PRDM5: variants seen among roughly 807,000 people sequenced by gnomAD.
PRDM5 encodes the protein PR domain zinc finger protein 5.
A neutral mutation model predicts 81.2 loss-of-function variants in PRDM5; 56 were observed. The observed-to-expected ratio is 0.69, with a 90% CI of 0.56 to 0.86. The LOEUF (loss-of-function observed/expected upper bound fraction) is 0.86. PRDM5 is among the 40% of genes least tolerant of loss of function. The pLI is 0.00. For synonymous variants in PRDM5, 267 were observed against 256.4 expected (o/e 1.04, Z -0.39); for missense variants, 697 against 770.1 (o/e 0.91, Z 1.12).
intron 12 of PRDM5, among the ~76,000 whole-genome samples, chr4:120,780,273 T>C (rs1241041274): frequency 1.3e-5 from 2 of 151,874 alleles, no homozygotes; most frequent in African/African-American, 4.8e-5. Flanking sequence ...AGCAAGACCC[T>C]ATCTCTACAA....
chr4:120,684,701 TAATATTTC>T (rs1194487762), downstream of PRDM5, among the ~76,000 whole-genome samples: 6 of 152,050 alleles, frequency 3.9e-5, no homozygotes, highest in African/African-American at 1.4e-4. Context: ...TTTAATTTTA[TAATATTTC>T]ACTACTGTTC....
At chr4:120,915,664 A>G (rs192044024) in intron 1 of PRDM5, among the ~76,000 whole-genome samples, 7 of 152,308 alleles carry the variant, frequency 4.6e-5, no homozygotes, top group Admixed American at 1.3e-4. Flanking sequence ...TGCGGGGAGA[A>G]GGGAAAGAAA....
At chr4:120,876,390 T>A (rs1346921038) in intron 2 of PRDM5, among the ~76,000 whole-genome samples, 2 of 152,370 alleles carry the variant, frequency 1.3e-5, no homozygotes, top group East Asian at 3.9e-4. Flanking sequence ...TGTAAAATTG[T>A]GCTATCATTT....
intron 1 of PRDM5, among the ~76,000 whole-genome samples, chr4:120,920,517 GGGATGC>G (rs1474411891): frequency 6.6e-6 from 1 of 152,188 alleles, no homozygotes; most frequent in African/African-American, 2.4e-5. Flanking sequence ...AAGCAGGTAA[GGGATGC>G]CTTGATACTC....
At chr4:120,816,294 G>C in intron 7 of PRDM5, 159 bp downstream of exon 7, 1 of 1,080,808 alleles carries the variant, frequency 9.3e-7, no homozygotes, top group Non-Finnish European at 1.4e-6. Flanking sequence ...GAAAGAAATA[G>C]TGTTCAGTGA....
At chr4:120,684,372 G>A (rs1733762036), downstream of PRDM5, among the ~76,000 whole-genome samples, 1 of 151,902 alleles carries the variant, frequency 6.6e-6, no homozygotes, top group African/African-American at 2.4e-5. Flanking sequence ...GGTCATATTT[G>A]GACCAGTTCC....
chr4:120,796,307 AT>A (rs1222306484), intron 10 of PRDM5, among the ~76,000 whole-genome samples: 1 of 152,212 alleles, frequency 6.6e-6, no homozygotes, highest in Non-Finnish European at 1.5e-5. Flanking sequence ...TAAGAAATAC[AT>A]TTGTCTAGTG....
intron 5 of PRDM5, among the ~76,000 whole-genome samples, chr4:120,817,522 G>GAC (rs1754689984): frequency 7.6e-6 from 1 of 131,650 alleles, no homozygotes; most frequent in Non-Finnish European, 1.6e-5. Flanking sequence ...CATAAGAGAA[G>GAC]AGATATGTTG....
At position 120,710,347 on chromosome 4, in the gene PRDM5, T is replaced by C. The variant is rs1215111356; in HGVS notation, c.1690A>G (p.Lys564Glu). The C allele has an allele frequency of 6.2e-7, 1 of 1,614,086 alleles. No homozygotes were observed. The highest frequency in any genetic ancestry group is 1.7e-5 in the Admixed American group (1 of 60,000). The stretch of plus-strand genomic sequence containing the variant: ...GGCTTTTCTCCAGTGTGCGTCCTCT[T>C]GTGCTCATCCAGGCCTCGCTTCTGG... ...FSQKRGLDEH[K>E]RTHTGEKPFQ... is the part of the protein sequence containing the mutation. Residue 564 changes from lysine to glutamate, a missense_variant, in exon 15 of 16, where the codon AAG becomes GAG. Transcript: ENST00000264808.
At chr4:120,746,624 G>A (rs1249621164) in intron 14 of PRDM5, among the ~76,000 whole-genome samples, 1 of 142,336 alleles carries the variant, frequency 7.0e-6, no homozygotes. Context: ...GTGGGCGAAG[G>A]ACATGAACAG....
At chr4:120,689,195 T>A (rs554631990), downstream of PRDM5, among the ~76,000 whole-genome samples, 5 of 152,276 alleles carry the variant, frequency 3.3e-5, no homozygotes, top group African/African-American at 9.6e-5. Flanking sequence ...TAGACCCCAA[T>A]TTCATATTTT....
chr4:120,721,838 A>G (rs543157987), intron 14 of PRDM5, among the ~76,000 whole-genome samples: 2 of 152,338 alleles, frequency 1.3e-5, no homozygotes, highest in East Asian at 3.9e-4. Flanking sequence ...TAGCCGTAAC[A>G]TGGGAAGGCC....
intron 13 of PRDM5, among the ~76,000 whole-genome samples, chr4:120,759,999 T>C (rs529057576): frequency 6.6e-6 from 1 of 152,226 alleles, no homozygotes; most frequent in Non-Finnish European, 1.5e-5. Context: ...ATAATCTAAG[T>C]ATTCATATCC....
chr4:120,705,737 TAATCTGACTCAGG>T (rs1253720647), intron 15 of PRDM5, among the ~76,000 whole-genome samples: 1 of 151,460 alleles, frequency 6.6e-6, no homozygotes, highest in Non-Finnish European at 1.5e-5. Context: ...TACAAATATA[TAATCTGACTCAGG>T]TTCTACAAAG....
intron 14 of PRDM5, among the ~76,000 whole-genome samples, chr4:120,712,865 T>C (rs1163413945): frequency 6.6e-6 from 1 of 152,224 alleles, no homozygotes. Flanking sequence ...CAGTGATGGA[T>C]AGCTAAGTTA....
intron 1 of PRDM5, 148 bp from the exon 2 acceptor site, chr4:120,907,705 C>T (rs192826535): frequency 4.1e-6 from 3 of 731,442 alleles, no homozygotes; most frequent in African/African-American, 1.8e-5. Context: ...TTACCCAACA[C>T]AAAATGTTTA....
chr4:120,691,593 TCAGGTTTCATTCATTCTTAGTTAC>T (rs1310767551), downstream of PRDM5, among the ~76,000 whole-genome samples: 14 of 152,294 alleles, frequency 9.2e-5, no homozygotes, highest in South Asian at 2.3e-3. Context: ...ATGCTACTAA[TCAGGTTTCATTCATTCTTAGTTAC>T]CAGGTTTCAT....
downstream of PRDM5, among the ~76,000 whole-genome samples, chr4:120,690,741 A>AT (rs908987830): frequency 6.6e-6 from 1 of 152,044 alleles, no homozygotes; most frequent in African/African-American, 2.4e-5. Flanking sequence ...TATTTTTTGA[A>AT]TTTTTTAAGT....
At chr4:120,917,195 G>A (rs537525925) in intron 1 of PRDM5, among the ~76,000 whole-genome samples, 2 of 152,222 alleles carry the variant, frequency 1.3e-5, no homozygotes, top group East Asian at 3.9e-4. Context: ...CCTTGTGCTT[G>A]GACCACAACA....
Sources: gnomAD v4.1 joint callset for allele counts (sites outside exome capture counted in the v4.1 genomes callset) on GRCh38, gnomAD v4.1.1 for gene constraint, MANE v1.5 for transcripts, NCBI Gene and HGNC (gene_info 2026-07-23, HGNC 2026-07-21) for gene names.